Variants in EFEMP1 observed in about 807,000 individuals in gnomAD.
The protein encoded by EFEMP1 is EGF-containing fibulin-like extracellular matrix protein 1.
In EFEMP1, 18 loss-of-function variants were observed where a neutral mutation model predicts 65.7. That is an observed-to-expected ratio of 0.27 (90% CI 0.19 to 0.41). EFEMP1 has a LOEUF of 0.41. EFEMP1 is among the 10% of genes least tolerant of loss of function. EFEMP1 has a pLI of 1.00. For missense variants in EFEMP1, 469 were observed against 624.8 expected, an observed-to-expected ratio of 0.75 and a Z score of 2.66; for synonymous variants, 237 against 219.7, an observed-to-expected ratio of 1.08 and a Z score of -0.70.
chr2:55,884,320 A>G (rs1022975611), intron 5 of EFEMP1, among the ~76,000 whole-genome samples: 7 of 152,220 alleles, frequency 4.6e-5, no homozygotes, highest in Non-Finnish European at 1.0e-4. Context: ...AGTCATATAA[A>G]ATTATTATAC....
At position 55,922,352 on chromosome 2, in the gene EFEMP1, C is replaced by A; in HGVS notation, c.81+8G>T. ...ACCGTACTTATTTCAAATTCCATCA[C>A]CCCTTACCGTGTACGTGATGGTTTC... On this transcript the variant is annotated splice_region_variant and intron_variant, in intron 3 of 11. Coordinates refer to ENST00000355426, the MANE Select transcript of EFEMP1 (RefSeq NM_001039348.3). This position sits in a 1 kb window ranked among gnomAD's most constrained non-coding sequence, Gnocchi z 5.5. 1 of 1,613,454 alleles carries A rather than the reference C, an allele frequency of 6.2e-7. No individual in the cohort carries two copies. Among genetic ancestry groups the A allele is most frequent in the Non-Finnish European group, 8.5e-7 (1 of 1,179,430 alleles).
intron 5 of EFEMP1, among the ~76,000 whole-genome samples, chr2:55,907,663 A>G (rs973940198): frequency 5.9e-5 from 9 of 152,208 alleles, no homozygotes; most frequent in African/African-American, 2.2e-4. Context: ...ATCTAACATC[A>G]TCATTGAATA....
chr2:55,876,795 CAT>C (rs1027805547), intron 7 of EFEMP1, 53 bp from the exon 8 acceptor site: 126 of 1,077,824 alleles, frequency 1.2e-4, no homozygotes, highest in East Asian at 2.5e-4. Context: ...TATACACACA[CAT>C]ATATATATAG....
chr2:55,883,150 T>C lies in EFEMP1; in HGVS notation c.518-1416A>G, dbSNP rs1669309140. On this transcript the variant is annotated intron_variant, in intron 5 of 11. Coordinates refer to ENST00000355426, the MANE Select transcript of EFEMP1 (RefSeq NM_001039348.3). The surrounding 1 kb of genome is among the most constrained non-coding windows in gnomAD (Gnocchi z 4.5). Reference sequence around the variant, plus strand: ...GGAGGGGAGATGAAAAATACTTGAGTGATGTATGGCTATTTATTGGATAAT... The same window carrying C: ...GGAGGGGAGATGAAAAATACTTGAGCGATGTATGGCTATTTATTGGATAAT... 6.6e-6 allele frequency among the ~76,000 whole-genome samples: 1 copy of C among 152,128 alleles called. No homozygotes were observed. The highest frequency in any genetic ancestry group is 2.4e-5 in the African/African-American group (1 of 41,424).
Position 55,870,407 on chromosome 2 carries a change from G to A in EFEMP1, c.1320+313C>T, listed in dbSNP as rs1369728925. ...GGGGATGGGAGGCTTGTATTTTCGTGGTCACACACAACTCTATCAGAGTCT... is the reference window on the plus strand; with the variant it reads ...GGGGATGGGAGGCTTGTATTTTCGTAGTCACACACAACTCTATCAGAGTCT... On this transcript the variant is annotated intron_variant, in intron 11 of 11. Coordinates refer to ENST00000355426, the MANE Select transcript of EFEMP1 (RefSeq NM_001039348.3). The surrounding 1 kb of genome is among the most constrained non-coding windows in gnomAD (Gnocchi z 5.8). Among the ~76,000 whole-genome samples the A allele has an allele frequency of 5.9e-5, 9 of 151,932 alleles. No homozygotes were observed. Among genetic ancestry groups the A allele is most frequent in the Non-Finnish European group, 1.2e-4 (8 of 67,984 alleles).
At chr2:55,892,395 C>A (rs951372880) in intron 5 of EFEMP1, among the ~76,000 whole-genome samples, 2 of 152,066 alleles carry the variant, frequency 1.3e-5, no homozygotes, top group Non-Finnish European at 2.9e-5. Context: ...ACCTGAGTAA[C>A]ATGCTTTTGC....
At position 55,881,779 on chromosome 2, in the gene EFEMP1, T is replaced by A. The variant is rs376194672; in HGVS notation, c.518-45A>T. ...CAGAAAGAATTGTCAGTTGTGAAGA[T>A]GTTGATATTTCCTCCATTTTGCCAC... is the stretch of plus-strand genomic sequence containing the variant. On this transcript the variant is annotated intron_variant, in intron 5 of 11. Coordinates refer to ENST00000355426, the MANE Select transcript of EFEMP1 (RefSeq NM_001039348.3). 5.6e-6 allele frequency: 9 copies of A among 1,613,418 alleles called. No homozygotes were observed. The African/African-American group carries it at 1.2e-4, about 22-fold the overall frequency.
At position 55,871,269 on chromosome 2, in the gene EFEMP1, G is replaced by C; in HGVS notation, c.1001-146C>G. On this transcript the variant is annotated intron_variant, in intron 9 of 11. Coordinates refer to ENST00000355426, the MANE Select transcript of EFEMP1 (RefSeq NM_001039348.3). This position sits in a 1 kb window ranked among gnomAD's most constrained non-coding sequence, Gnocchi z 4.2. Reference sequence around the variant, plus strand: ...AACCTGCTTTTAGACACAAGACTGGGTGTTCATTGTATTGAATTCAGGACA... The same window carrying C: ...AACCTGCTTTTAGACACAAGACTGGCTGTTCATTGTATTGAATTCAGGACA... The C allele has an allele frequency of 9.3e-7, 1 of 1,077,402 alleles. No homozygotes were observed. Among genetic ancestry groups the C allele is most frequent in the Non-Finnish European group, 1.4e-6 (1 of 725,650 alleles). The allele number at this position is 1,077,402 out of a possible 1,614,324, so 66.7% of individuals were successfully genotyped here.
chr2:55,923,034 A>G lies in EFEMP1; in HGVS notation c.-48-95T>C, dbSNP rs368919152. 8 of 872,950 alleles carry G rather than the reference A, an allele frequency of 9.2e-6. No homozygotes were observed. The highest frequency in any genetic ancestry group is 1.0e-4 in the Admixed American group (2 of 19,392). The allele number at this position is 872,950 out of a possible 1,614,324, so 54.1% of individuals were successfully genotyped here. On this transcript the variant is annotated intron_variant, in intron 1 of 11. Coordinates refer to ENST00000355426, the MANE Select transcript of EFEMP1 (RefSeq NM_001039348.3). The surrounding 1 kb of genome is among the most constrained non-coding windows in gnomAD (Gnocchi z 5.3). ...CGGAGAGCAATCTTCCAGTTCTAGT[A>G]GAATACTAGACCTTCTCACATGTCT... is the stretch of plus-strand genomic sequence containing the variant.
At chr2:55,903,152 C>T (rs1278182423) in intron 5 of EFEMP1, among the ~76,000 whole-genome samples, 1 of 152,136 alleles carries the variant, frequency 6.6e-6, no homozygotes, top group Non-Finnish European at 1.5e-5. Context: ...CCCTTTGCTG[C>T]CAAAGACTAC....
chr2:55,904,966 C>CTTTTTTTTTTTTT (rs796758221), intron 5 of EFEMP1, among the ~76,000 whole-genome samples: 14 of 70,560 alleles, frequency 2.0e-4, no homozygotes, highest in African/African-American at 5.9e-4. Context: ...GGGATAGTGG[C>CTTTTTTTTTTTTT]TTTTTTTTTT....
intron 5 of EFEMP1, among the ~76,000 whole-genome samples, chr2:55,916,151 C>T (rs1268879562): frequency 6.7e-6 from 1 of 149,912 alleles, no homozygotes; most frequent in Non-Finnish European, 1.5e-5. Context: ...ACTCTGTTGC[C>T]CAGGCTGGAG....
At chr2:55,912,296 C>T (rs1670507115) in intron 5 of EFEMP1, among the ~76,000 whole-genome samples, 1 of 152,100 alleles carries the variant, frequency 6.6e-6, no homozygotes, top group East Asian at 1.9e-4. Flanking sequence ...ACCCATGCAG[C>T]CAGCGACCCT....
rs147665837 is a variant in EFEMP1 at position 55,895,303 on chromosome 2, A to C, written c.518-13569T>G. Among the ~76,000 whole-genome samples, 968 of 152,296 alleles carry C rather than the reference A, an allele frequency of 6.4e-3. 5 individuals are homozygous for C. The highest frequency in any genetic ancestry group is 9.8e-3 in the Non-Finnish European group (665 of 68,024). On this transcript the variant is annotated intron_variant, in intron 5 of 11. Coordinates refer to ENST00000355426, the MANE Select transcript of EFEMP1 (RefSeq NM_001039348.3). ...CATAACAGATGGTTCCATACATAAA[A>C]TTGTCTTTTCCTTGGGCTCCATCTC...
chr2:55,894,499 T>C (rs1413009613), intron 5 of EFEMP1, among the ~76,000 whole-genome samples: 4 of 152,188 alleles, frequency 2.6e-5, no homozygotes, highest in African/African-American at 9.6e-5. Flanking sequence ...ACTTTTCAAA[T>C]AAGCAGGTTG....
rs1425697611 is a variant in EFEMP1, at chr2:55,873,073, C to CACACACACACACACAT, written c.1000+1872_1000+1873insATGTGTGTGTGTGTGT. On this transcript the variant is annotated intron_variant, in intron 9 of 11. Transcript: ENST00000355426. The surrounding 1 kb of genome is among the most constrained non-coding windows in gnomAD (Gnocchi z 4.6). ...GTCTCTCTGTCTCTCTCTCCACACA[C>CACACACACACACACAT]ACACACACACACACACACACACACA... is the stretch of plus-strand genomic sequence containing the variant. Among the ~76,000 whole-genome samples, 19 of 141,620 alleles carry CACACACACACACACAT rather than the reference C, an allele frequency of 1.3e-4. No individual in the cohort carries two copies. The highest frequency in any genetic ancestry group is 4.3e-4 in the African/African-American group (16 of 36,982). The allele number at this position is 141,620 out of a possible 152,430, so 92.9% of individuals were successfully genotyped here. A position where few individuals can be genotyped will look rare whatever the true frequency, so the allele number is the denominator to read the frequency against.
intron 5 of EFEMP1, among the ~76,000 whole-genome samples, chr2:55,911,173 T>A (rs1670468710): frequency 6.6e-6 from 1 of 152,214 alleles, no homozygotes; most frequent in Non-Finnish European, 1.5e-5. Flanking sequence ...ATACATCATG[T>A]CCTTGGTTCA....
chr2:55,877,792 C>A lies in EFEMP1; in HGVS notation c.714G>T (p.Gln238His), dbSNP rs754072239. The A allele has an allele frequency of 8.7e-6, 14 of 1,613,288 alleles. No homozygotes were observed. The South Asian group carries it at 1.3e-4, about 15-fold the overall frequency. Reference sequence around the variant, plus strand: ...CTGCCAATTGAAACCCAGGACTGCACTGGCAATAAAATGAGCCTGGTGTAT... The same window carrying A: ...CTGCCAATTGAAACCCAGGACTGCAATGGCAATAAAATGAGCCTGGTGTAT... ...CVNTPGSFYC[Q>H]CSPGFQLAAN... Residue 238 changes from glutamine to histidine, a missense_variant, in exon 7 of 12, where the codon CAG (glutamine) becomes CAT (histidine). Gln to His is a conservative substitution (Grantham distance 24). Transcript: ENST00000355426. This position sits in a 1 kb window ranked among gnomAD's most constrained non-coding sequence, Gnocchi z 4.5.
intron 7 of EFEMP1, 98 bp from the exon 8 acceptor site, chr2:55,876,840 C>CTCTTTT (rs1669056590): frequency 1.5e-6 from 1 of 675,816 alleles, no homozygotes; most frequent in Admixed American, 3.8e-5. Flanking sequence ...TTTGTACCTA[C>CTCTTTT]GTCATCTGCT....
Sources: gnomAD v4.1 joint callset for allele counts (sites outside exome capture counted in the v4.1 genomes callset) on GRCh38, gnomAD v4.1.1 for gene constraint, Gnocchi (gnomAD v3.1) non-coding constraint, MANE v1.5 for transcripts, NCBI Gene and HGNC (gene_info 2026-07-23, HGNC 2026-07-21) for gene names.